The following CLSTN2 variants were observed in gnomAD, a reference collection of about 807,000 sequenced individuals.
CLSTN2 encodes calsyntenin-2.
A neutral mutation model predicts 101.2 loss-of-function variants in CLSTN2; 48 were observed. The observed-to-expected ratio is 0.47, with a 90% confidence interval of 0.38 to 0.60. The LOEUF (loss-of-function observed/expected upper bound fraction) is 0.60. CLSTN2 is among the 20% of genes least tolerant of loss of function. The pLI is 0.00. For missense variants in CLSTN2, 1,160 were observed against 1,238.2 expected, an observed-to-expected ratio of 0.94 and a Z score of 0.95; for synonymous variants, 481 against 463.6, an observed-to-expected ratio of 1.04 and a Z score of -0.48.
chr3:140,124,182 G>C (rs776672702), intron 1 of CLSTN2, among the ~76,000 whole-genome samples: 2 of 152,122 alleles, frequency 1.3e-5, no homozygotes, highest in African/African-American at 2.4e-5. Flanking sequence ...CAAAGACTCT[G>C]GGTGGAAACT....
chr3:140,472,523 G>T (rs1933872424), intron 8 of CLSTN2, among the ~76,000 whole-genome samples: 1 of 152,102 alleles, frequency 6.6e-6, no homozygotes, highest in Admixed American at 6.5e-5. Flanking sequence ...AAAATAATTG[G>T]GCATTGTCAG....
intron 10 of CLSTN2, among the ~76,000 whole-genome samples, chr3:140,548,809 G>C (rs1373087984): frequency 6.6e-6 from 1 of 152,136 alleles, no homozygotes; most frequent in African/African-American, 2.4e-5. Flanking sequence ...TGTCAACAAT[G>C]GGAAGCCACT....
intron 1 of CLSTN2, among the ~76,000 whole-genome samples, chr3:140,089,971 CTTTTTTTTTTTTTTT>C (rs58418539): frequency 2.0e-5 from 1 of 49,648 alleles, no homozygotes; most frequent in Non-Finnish European, 3.5e-5. Flanking sequence ...CTAGGATTGG[CTTTTTTTTTTTTTTT>C]TTTTTTTTTT....
chr3:140,022,100 A>G (rs916936284), intron 1 of CLSTN2, among the ~76,000 whole-genome samples: 1 of 152,202 alleles, frequency 6.6e-6, no homozygotes, highest in African/African-American at 2.4e-5. Flanking sequence ...ACTGGGCAGC[A>G]GTGGGAATGG....
intron 1 of CLSTN2, among the ~76,000 whole-genome samples, chr3:140,167,602 G>A (rs886733111): frequency 1.2e-4 from 18 of 152,172 alleles, no homozygotes; most frequent in African/African-American, 4.3e-4. Context: ...AGTTGGATAT[G>A]TTTTGACAAA....
chr3:140,030,155 C>A (rs2007516353), intron 1 of CLSTN2, among the ~76,000 whole-genome samples: 1 of 152,170 alleles, frequency 6.6e-6, no homozygotes, highest in African/African-American at 2.4e-5. Context: ...GAAAAAATTA[C>A]TGTTTCCTGT....
chr3:140,160,269 A>G (rs112916759), intron 1 of CLSTN2, among the ~76,000 whole-genome samples: 22 of 152,186 alleles, frequency 1.4e-4, no homozygotes, highest in Non-Finnish European at 2.9e-5. Flanking sequence ...ACTGACATAC[A>G]GAACATTCAA....
intron 1 of CLSTN2, among the ~76,000 whole-genome samples, chr3:140,045,086 A>C (rs2007844681): frequency 6.6e-6 from 1 of 152,068 alleles, no homozygotes; most frequent in Non-Finnish European, 1.5e-5. Flanking sequence ...TATTGATTGG[A>C]ATAGTTTCAG....
chr3:140,459,709 G>A lies in CLSTN2; in HGVS notation c.1162G>A (p.Gly388Ser), dbSNP rs1216664527. The change falls in exon 7 of 17, where the codon GGC (glycine) becomes AGC (serine). Residue 388 changes from glycine (G) to serine (S), a missense_variant. By Grantham distance (56) the Gly-to-Ser change is moderately conservative. Transcript: ENST00000458420. ...QFTITMWMKHGPSPGVRAEKE... is the reference protein window; with the variant it reads ...QFTITMWMKHSPSPGVRAEKE... ...CACCATCACCATGTGGATGAAACAC[G>A]GCCCCAGCCCTGGTGTGAGAGCCGA... 52 of 1,613,944 alleles carry A rather than the reference G, an allele frequency of 3.2e-5. No homozygotes were observed. Among genetic ancestry groups the A allele is most frequent in the South Asian group, 6.6e-5 (6 of 91,074 alleles).
chr3:140,516,783 T>G (rs1475345893), intron 8 of CLSTN2, among the ~76,000 whole-genome samples: 4 of 152,202 alleles, frequency 2.6e-5, no homozygotes, highest in African/African-American at 9.7e-5. Flanking sequence ...AGTCATCAAG[T>G]TATCTAAAGT....
intron 2 of CLSTN2, among the ~76,000 whole-genome samples, chr3:140,365,612 G>T (rs1351934085): frequency 6.6e-6 from 1 of 152,096 alleles, no homozygotes; most frequent in Non-Finnish European, 1.5e-5. Flanking sequence ...CCAGAGAGGT[G>T]AGGGGACTTA....
intron 2 of CLSTN2, among the ~76,000 whole-genome samples, chr3:140,286,349 G>A (rs1157413485): frequency 6.6e-5 from 10 of 152,182 alleles, no homozygotes; most frequent in Non-Finnish European, 1.5e-4. Flanking sequence ...CCACAAATCA[G>A]TTAAGTGTTT....
At chr3:140,431,768 G>T (rs917864966) in intron 5 of CLSTN2, among the ~76,000 whole-genome samples, 4 of 152,138 alleles carry the variant, frequency 2.6e-5, no homozygotes, top group African/African-American at 9.7e-5. Context: ...GAGTGAGAAG[G>T]GCTGAACCCA....
intron 15 of CLSTN2, 69 bp downstream of exon 15, chr3:140,563,272 C>T (rs2107794707): frequency 6.5e-7 from 1 of 1,548,950 alleles, no homozygotes; most frequent in Non-Finnish European, 8.8e-7. Flanking sequence ...ATCTACTCAA[C>T]AGACGGTTAT....
chr3:139,945,347 C>T (rs1005180406), intron 1 of CLSTN2, among the ~76,000 whole-genome samples: 1 of 152,150 alleles, frequency 6.6e-6, no homozygotes, highest in South Asian at 2.1e-4. Flanking sequence ...CAAGAAAGTT[C>T]TAAGTATTCA....
At chr3:140,028,965 C>T (rs986404312) in intron 1 of CLSTN2, among the ~76,000 whole-genome samples, 1 of 152,106 alleles carries the variant, frequency 6.6e-6, no homozygotes, top group Admixed American at 6.6e-5. Context: ...GGCTGGATGA[C>T]TCCTGCAAAG....
chr3:140,247,990 T>A (rs1481177006), intron 2 of CLSTN2, among the ~76,000 whole-genome samples: 1 of 152,180 alleles, frequency 6.6e-6, no homozygotes, highest in East Asian at 1.9e-4. Flanking sequence ...AGGGTTGAGG[T>A]CACCTCTCTA....
chr3:140,347,515 C>A (rs1323874102), intron 2 of CLSTN2, among the ~76,000 whole-genome samples: 1 of 152,230 alleles, frequency 6.6e-6, no homozygotes, highest in African/African-American at 2.4e-5. Context: ...AAAACACAAA[C>A]TACAATGTGT....
At chr3:140,241,704 G>C (rs920848797) in intron 2 of CLSTN2, among the ~76,000 whole-genome samples, 4 of 151,662 alleles carry the variant, frequency 2.6e-5, no homozygotes, top group African/African-American at 4.8e-5. Flanking sequence ...GGAGTCCTTG[G>C]AGTGTTCCTG....
Sources: gnomAD v4.1 joint callset for allele counts (sites outside exome capture counted in the v4.1 genomes callset) on GRCh38, gnomAD v4.1.1 for gene constraint, MANE v1.5 for transcripts, NCBI Gene and HGNC (gene_info 2026-07-23, HGNC 2026-07-21) for gene names.